Variants in SOX5 observed in about 807,000 individuals in gnomAD.
SOX5 encodes the protein transcription factor SOX-5.
In SOX5, 9 loss-of-function variants were observed where a neutral mutation model predicts 92.0. The observed-to-expected ratio is 0.10, with a 90% CI of 0.06 to 0.17. The LOEUF is 0.17. SOX5 is among the 10% of genes least tolerant of loss of function. The probability of loss-of-function intolerance (pLI) is 1.00; values close to 1 mark genes in which losing one functional copy is unlikely to be tolerated. For synonymous variants in SOX5, 344 were observed against 336.3 expected, an observed-to-expected ratio of 1.02 and a Z score of -0.25; for missense variants, 642 against 944.5, an observed-to-expected ratio of 0.68 and a Z score of 4.20.
intron 2 of SOX5, among the ~76,000 whole-genome samples, chr12:24,297,870 T>G (rs1213228097): frequency 6.6e-6 from 1 of 152,192 alleles, no homozygotes; most frequent in Non-Finnish European, 1.5e-5. Context: ...ATCAATGCGC[T>G]CACCCTTTTC....
At chr12:23,762,096 A>G (rs2094577250) in intron 3 of SOX5, among the ~76,000 whole-genome samples, 2 of 152,200 alleles carry the variant, frequency 1.3e-5, no homozygotes, top group Non-Finnish European at 2.9e-5. Context: ...GGGAGCAAAT[A>G]TTAAACAGCA....
chr12:24,154,221 G>A (rs1305997947), intron 4 of SOX5, among the ~76,000 whole-genome samples: 1 of 152,040 alleles, frequency 6.6e-6, no homozygotes, highest in Non-Finnish European at 1.5e-5. Context: ...GCTTATATGT[G>A]TTATCAGCCA....
intron 4 of SOX5, among the ~76,000 whole-genome samples, chr12:24,114,675 C>T (rs1009590260): frequency 2.7e-5 from 4 of 149,642 alleles, no homozygotes; most frequent in African/African-American, 9.9e-5. Flanking sequence ...TAGGGGTTCA[C>T]GCCTGTGATC....
At chr12:23,652,410 C>G (rs1343865446) in intron 7 of SOX5, among the ~76,000 whole-genome samples, 5 of 152,084 alleles carry the variant, frequency 3.3e-5, no homozygotes, top group Middle Eastern at 3.4e-3. Context: ...TGGTTCTTCT[C>G]CTTCTATTCA....
chr12:24,481,315 G>A (rs1466080591), intron 1 of SOX5, among the ~76,000 whole-genome samples: 1 of 152,056 alleles, frequency 6.6e-6, no homozygotes. Context: ...TGGGTACAAG[G>A]AAATAGTTAG....
At chr12:23,711,381 A>G (rs1417130648) in intron 6 of SOX5, among the ~76,000 whole-genome samples, 1 of 152,198 alleles carries the variant, frequency 6.6e-6, no homozygotes, top group Non-Finnish European at 1.5e-5. Flanking sequence ...AATTTTTGTC[A>G]AAGCTATAAA....
chr12:24,099,182 T>C (rs1329134398), intron 4 of SOX5, among the ~76,000 whole-genome samples: 4 of 152,126 alleles, frequency 2.6e-5, no homozygotes, highest in Non-Finnish European at 5.9e-5. Context: ...CACCTTCCAG[T>C]TGTGACATTT....
chr12:24,165,267 A>G (rs905212474), intron 4 of SOX5, among the ~76,000 whole-genome samples: 1 of 152,160 alleles, frequency 6.6e-6, no homozygotes, highest in Non-Finnish European at 1.5e-5. Flanking sequence ...GTATGTATAA[A>G]GCATGGAATT....
intron 4 of SOX5, among the ~76,000 whole-genome samples, chr12:24,184,220 G>T (rs925243316): frequency 2.0e-5 from 3 of 152,020 alleles, no homozygotes; most frequent in Admixed American, 2.0e-4. Flanking sequence ...TAAAATAAAT[G>T]CTCTAACTTT....
chr12:23,587,237 A>C (rs954899001), intron 9 of SOX5, among the ~76,000 whole-genome samples: 8 of 152,058 alleles, frequency 5.3e-5, no homozygotes, highest in African/African-American at 1.7e-4. Context: ...TAAATTTTAC[A>C]AGTAACAAAA....
At chr12:23,826,300 G>A (rs1235445538) in intron 3 of SOX5, among the ~76,000 whole-genome samples, 1 of 151,698 alleles carries the variant, frequency 6.6e-6, no homozygotes, top group African/African-American at 2.4e-5. Flanking sequence ...CCTTGCGGTA[G>A]TTTGCTGAGA....
intron 6 of SOX5, among the ~76,000 whole-genome samples, chr12:23,726,527 C>G (rs2093143931): frequency 6.6e-6 from 1 of 152,126 alleles, no homozygotes; most frequent in African/African-American, 2.4e-5. Context: ...GACCAACATA[C>G]TGACTTCGGC....
chr12:24,107,852 A>C (rs912122427), intron 4 of SOX5, among the ~76,000 whole-genome samples: 1 of 152,232 alleles, frequency 6.6e-6, no homozygotes, highest in African/African-American at 2.4e-5. Flanking sequence ...ACTACTCATC[A>C]CTATGGTAAC....
chr12:24,117,129 C>T (rs183768979), intron 4 of SOX5, among the ~76,000 whole-genome samples: 30 of 152,102 alleles, frequency 2.0e-4, no homozygotes, highest in Admixed American at 1.8e-3. Context: ...AAAACAAATA[C>T]CCCAATTAAA....
At chr12:24,195,465 A>C (rs571956314) in intron 4 of SOX5, among the ~76,000 whole-genome samples, 1 of 152,348 alleles carries the variant, frequency 6.6e-6, no homozygotes, top group East Asian at 1.9e-4. Context: ...TCAAATAATT[A>C]GGCAAAAGTT....
At chr12:23,817,562 G>C (rs1428263249) in intron 3 of SOX5, among the ~76,000 whole-genome samples, 1 of 152,200 alleles carries the variant, frequency 6.6e-6, no homozygotes, top group Non-Finnish European at 1.5e-5. Context: ...TAGAGAGATA[G>C]ATCCAGTGAA....
chr12:24,501,014 T>C (rs907842226), intron 1 of SOX5, among the ~76,000 whole-genome samples: 1 of 152,196 alleles, frequency 6.6e-6, no homozygotes, highest in East Asian at 1.9e-4. Context: ...ACAGCCTGCA[T>C]TCATTAGTCA....
At chr12:24,141,758 A>C (rs564896557) in intron 4 of SOX5, among the ~76,000 whole-genome samples, 1 of 152,360 alleles carries the variant, frequency 6.6e-6, no homozygotes, top group East Asian at 1.9e-4. Context: ...TCTAGTAACA[A>C]TGTAAACAGG....
At chr12:24,438,190 C>T (rs1939814573) in intron 1 of SOX5, among the ~76,000 whole-genome samples, 1 of 152,086 alleles carries the variant, frequency 6.6e-6, no homozygotes, top group African/African-American at 2.4e-5. Context: ...GAACAGAAAA[C>T]CAAACCCCAC....
Sources: allele counts gnomAD v4.1 joint callset (sites outside exome capture counted in the v4.1 genomes callset), GRCh38; gene constraint gnomAD v4.1.1; transcripts MANE v1.5; gene names NCBI Gene and HGNC (gene_info 2026-07-23, HGNC 2026-07-21).